Variants in STXBP5L observed in about 807,000 individuals in gnomAD.
STXBP5L encodes the protein syntaxin binding protein 5L, also known as syntaxin-binding protein 5-like.
STXBP5L carries 65 observed loss-of-function variants against 144.5 expected under a neutral mutation model. The observed-to-expected ratio is 0.45, with a 90% CI of 0.37 to 0.55. The LOEUF is 0.55. Among genes scored for constraint, STXBP5L ranks in the 20% least tolerant of loss-of-function variants. The probability of loss-of-function intolerance (pLI) is 0.00; values close to 1 mark genes in which losing one functional copy is unlikely to be tolerated. For synonymous variants in STXBP5L, 505 were observed against 469.6 expected, an observed-to-expected ratio of 1.08 and a Z score of -0.97; for missense variants, 1,298 against 1,405.5, an observed-to-expected ratio of 0.92 and a Z score of 1.22.
chr3:121,418,418 G>A lies in STXBP5L; in HGVS notation c.3308G>A (p.Gly1103Asp), dbSNP rs749836784. The change falls in exon 26 of 27, where the codon GGC becomes GAC. Residue 1103 changes from glycine to aspartate, a missense_variant. Coordinates refer to ENST00000471454, the MANE Select transcript of STXBP5L (RefSeq NM_001308330.2). ...CCAGGTAGTATAGAAGGGATGAAAG[G>A]CGCTGCTGGAGGGGTGATGGGAGAG... ...PGPGSIEGMK[G>D]AAGGVMGELT... is the part of the protein sequence containing the mutation. The A allele has an allele frequency of 4.3e-6, 7 of 1,613,978 alleles. No individual in the cohort carries two copies. The highest frequency in any genetic ancestry group is 1.7e-5 in the Admixed American group (1 of 59,988).
In STXBP5L at chr3:121,344,659, G is replaced by C. The variant is rs549749251; in HGVS notation, c.2176+26119G>C. Among the ~76,000 whole-genome samples, 54 of 152,030 alleles carry C rather than the reference G, an allele frequency of 3.6e-4. 1 individual carries two copies. The highest frequency in any genetic ancestry group is 1.2e-3 in the African/African-American group (51 of 41,474). On this transcript the variant is annotated intron_variant, in intron 20 of 26. Coordinates refer to ENST00000471454, the MANE Select transcript of STXBP5L (RefSeq NM_001308330.2). ...GTGTAATTTTAAAAATTGAAATATA[G>C]GAGGCAAAGAGGAGGTTAAAGTACC...
intron 23 of STXBP5L, among the ~76,000 whole-genome samples, chr3:121,410,438 T>C (rs1482430158): frequency 2.0e-5 from 3 of 152,004 alleles, no homozygotes; most frequent in African/African-American, 7.2e-5. Flanking sequence ...TAGGAAACAA[T>C]GGTATGTACT....
intron 7 of STXBP5L, among the ~76,000 whole-genome samples, chr3:121,146,685 G>A (rs1434273056): frequency 6.6e-6 from 1 of 152,056 alleles, no homozygotes; most frequent in Non-Finnish European, 1.5e-5. Flanking sequence ...GAAAACTTGT[G>A]TAACTATACT....
chr3:121,339,134 C>A (rs1576214346), intron 20 of STXBP5L, among the ~76,000 whole-genome samples: 1 of 152,010 alleles, frequency 6.6e-6, no homozygotes, highest in Non-Finnish European at 1.5e-5. Flanking sequence ...AATGACAGAC[C>A]AATATTCCTG....
intron 19 of STXBP5L, among the ~76,000 whole-genome samples, chr3:121,300,334 GT>G (rs1318591837): frequency 1.3e-5 from 2 of 152,092 alleles, no homozygotes; most frequent in African/African-American, 4.8e-5. Context: ...AGGAATACAG[GT>G]AAGAATGAAA....
At chr3:120,938,223 C>T (rs1013097015) in intron 2 of STXBP5L, among the ~76,000 whole-genome samples, 2 of 151,948 alleles carry the variant, frequency 1.3e-5, no homozygotes, top group African/African-American at 4.8e-5. Flanking sequence ...AATATTTCTA[C>T]TTAATATATT....
chr3:121,167,765 A>G (rs1437398751), intron 9 of STXBP5L, among the ~76,000 whole-genome samples: 4 of 152,228 alleles, frequency 2.6e-5, no homozygotes, highest in Non-Finnish European at 5.9e-5. Context: ...TTCAGCAGAC[A>G]TAAACATCCC....
chr3:121,346,872 G>C (rs544548249), intron 20 of STXBP5L, among the ~76,000 whole-genome samples: 28 of 152,022 alleles, frequency 1.8e-4, no homozygotes, highest in Non-Finnish European at 3.4e-4. Context: ...AGATGAGTAG[G>C]TTGCAAAAAT....
chr3:121,405,493 G>C (rs925369592), intron 22 of STXBP5L, among the ~76,000 whole-genome samples: 2 of 152,102 alleles, frequency 1.3e-5, no homozygotes, highest in African/African-American at 4.8e-5. Context: ...ACTTGATACT[G>C]TATGTATTGA....
intron 9 of STXBP5L, among the ~76,000 whole-genome samples, chr3:121,184,204 A>G (rs2047275882): frequency 1.3e-5 from 2 of 152,106 alleles, no homozygotes; most frequent in Non-Finnish European, 2.9e-5. Context: ...AAAACTGGAC[A>G]GAGAATGAGT....
intron 6 of STXBP5L, among the ~76,000 whole-genome samples, chr3:121,119,469 A>C (rs2044366255): frequency 6.6e-6 from 1 of 151,436 alleles, no homozygotes; most frequent in Non-Finnish European, 1.5e-5. Context: ...CCCATAATGG[A>C]AACTAATATT....
At position 120,980,460 on chromosome 3, in the gene STXBP5L, C is replaced by CT. The variant is rs35037881; in HGVS notation, c.287+25436dup. ...CACTTTATCACCATATAATGTCCTG[C>CT]TTTTTTTTTTTTTAACTGTTGTTGA... On this transcript the variant is annotated intron_variant, in intron 3 of 26. Coordinates refer to ENST00000471454, the MANE Select transcript of STXBP5L (RefSeq NM_001308330.2). Among the ~76,000 whole-genome samples, 613 of 144,896 alleles carry CT rather than the reference C, an allele frequency of 4.2e-3. 3 individuals carry two copies. The highest frequency in any genetic ancestry group is 0.011 in the African/African-American group (437 of 39,754).
intron 19 of STXBP5L, among the ~76,000 whole-genome samples, chr3:121,303,799 A>G (rs61796888): frequency 0.042 from 6,421 of 151,946 alleles, 205 homozygotes; most frequent in Non-Finnish European, 0.061. Context: ...AACACTACAT[A>G]TTCTCACTCA....
chr3:120,946,308 C>T (rs1403305236), intron 2 of STXBP5L, among the ~76,000 whole-genome samples: 1 of 151,720 alleles, frequency 6.6e-6, no homozygotes, highest in African/African-American at 2.4e-5. Context: ...ATCTTTCTAT[C>T]TTGTTCTGCC....
intron 3 of STXBP5L, among the ~76,000 whole-genome samples, chr3:121,007,037 C>A (rs1448718142): frequency 6.6e-6 from 1 of 152,006 alleles, no homozygotes; most frequent in Non-Finnish European, 1.5e-5. Flanking sequence ...CTTGGAGTTG[C>A]TCTTCTTGAG....
intron 3 of STXBP5L, among the ~76,000 whole-genome samples, chr3:120,969,518 T>C (rs1940000070): frequency 6.6e-6 from 1 of 151,792 alleles, no homozygotes; most frequent in Admixed American, 6.6e-5. Context: ...GTTTGCTGAT[T>C]ATTTCTTTTG....
At chr3:121,054,649 T>A in intron 5 of STXBP5L, among the ~76,000 whole-genome samples, 1 of 148,648 alleles carries the variant, frequency 6.7e-6, no homozygotes, top group Non-Finnish European at 1.5e-5. Flanking sequence ...AAATGACGAG[T>A]TAATGGGTGC....
rs760831940 is a variant in STXBP5L at position 121,279,893 on chromosome 3, A to G, written c.2047A>G (p.Arg683Gly). 16 of 1,612,592 alleles carry G rather than the reference A, an allele frequency of 9.9e-6. No individual in the cohort carries two copies. The highest frequency in any genetic ancestry group is 4.2e-6 in the Non-Finnish European group (5 of 1,178,996). ...AAGCATGGGGACCATTGACCTATAT[A>G]GATCAAGTGACTTATACCAGCGACA... ...LLSMGTIDLY[R>G]SSDLYQRQPR... is the part of the protein sequence containing the mutation. The change falls in exon 19 of 27, where the codon AGA becomes GGA. Residue 683 changes from arginine (R) to glycine (G), a missense_variant. Transcript: ENST00000471454.
chr3:121,054,759 G>C (rs1560066571), intron 5 of STXBP5L, among the ~76,000 whole-genome samples: 1 of 148,848 alleles, frequency 6.7e-6, no homozygotes, highest in Non-Finnish European at 1.5e-5. Context: ...ATTTTAAAAA[G>C]AGTTGTTTTA....
Sources: allele counts gnomAD v4.1 joint callset (sites outside exome capture counted in the v4.1 genomes callset), GRCh38; gene constraint gnomAD v4.1.1; transcripts MANE v1.5; gene names NCBI Gene and HGNC (gene_info 2026-07-23, HGNC 2026-07-21).